CFAP20DC: variants seen among roughly 807,000 people sequenced by gnomAD.
The protein encoded by CFAP20DC is protein CFAP20DC.
CFAP20DC carries 84 observed loss-of-function variants against 101.7 expected under a neutral mutation model. That is an observed-to-expected ratio of 0.83 (90% CI 0.69 to 0.99). The LOEUF (loss-of-function observed/expected upper bound fraction) is 0.99, where lower values mean the gene tolerates loss of function less well. CFAP20DC is among the 50% of genes least tolerant of loss of function. The pLI, the probability that CFAP20DC is intolerant of heterozygous loss-of-function variation, is 0.00. For missense variants in CFAP20DC, 1,007 were observed against 970.3 expected (o/e 1.04, Z -0.50); for synonymous variants, 359 against 351.2 (o/e 1.02, Z -0.25).
rs559884228 is a variant in CFAP20DC, at chr3:58,789,458, C to G, written c.2237+16937G>C. 7.9e-5 allele frequency among the ~76,000 whole-genome samples: 12 copies of G among 152,148 alleles called. No homozygotes were observed. The South Asian group carries it at 1.2e-3, about 16-fold the overall frequency. ...TTATTTATGTACTGATTTCCATTTT[C>G]TTTTCAAAGTTTGGTTATACCTTTC... On this transcript the variant is annotated intron_variant, in intron 15 of 16. Transcript: ENST00000482387.
At chr3:58,833,883 G>C (rs1242862567) in intron 13 of CFAP20DC, among the ~76,000 whole-genome samples, 2 of 152,164 alleles carry the variant, frequency 1.3e-5, no homozygotes, top group Non-Finnish European at 2.9e-5. Context: ...TCAGCCTAAA[G>C]AGTAATGAAG....
chr3:58,762,201 C>T (rs1426262347), intron 15 of CFAP20DC, among the ~76,000 whole-genome samples: 3 of 151,966 alleles, frequency 2.0e-5, no homozygotes, highest in Non-Finnish European at 4.4e-5. Context: ...TAAGGACTTG[C>T]TTTATGAATC....
intron 3 of CFAP20DC, among the ~76,000 whole-genome samples, chr3:58,718,292 A>G (rs2067424084): frequency 6.6e-6 from 1 of 152,226 alleles, no homozygotes; most frequent in African/African-American, 2.4e-5. Flanking sequence ...TTTCAGTTTA[A>G]GTATCCAGTT....
intron 16 of CFAP20DC, among the ~76,000 whole-genome samples, chr3:58,753,480 G>C (rs762890995): frequency 2.0e-4 from 30 of 152,144 alleles, no homozygotes; most frequent in Non-Finnish European, 3.1e-4. Flanking sequence ...TGGTAGTGCT[G>C]AAATTCAGAT....
At chr3:58,838,960 G>C (rs2076920901) in intron 13 of CFAP20DC, among the ~76,000 whole-genome samples, 1 of 152,200 alleles carries the variant, frequency 6.6e-6, no homozygotes, top group African/African-American at 2.4e-5. Flanking sequence ...ATAAATGGTA[G>C]TTTAAGATAT....
intron 15 of CFAP20DC, among the ~76,000 whole-genome samples, chr3:58,773,034 A>G (rs1268190612): frequency 6.6e-6 from 1 of 151,316 alleles, no homozygotes; most frequent in Non-Finnish European, 1.5e-5. Flanking sequence ...TTTTTCTTAA[A>G]GCAGTTTCTC....
chr3:58,967,979 G>T (rs2091691330), intron 4 of CFAP20DC, among the ~76,000 whole-genome samples: 1 of 152,134 alleles, frequency 6.6e-6, no homozygotes, highest in African/African-American at 2.4e-5. Flanking sequence ...TTCTGTTCCT[G>T]TGATAGTCTG....
intron 15 of CFAP20DC, among the ~76,000 whole-genome samples, chr3:58,758,779 C>T (rs145140548): frequency 0.055 from 8,371 of 152,010 alleles, 510 homozygotes; most frequent in East Asian, 0.35. Flanking sequence ...TGAGGGAGAA[C>T]ATGCGGTGTT....
intron 5 of CFAP20DC, among the ~76,000 whole-genome samples, chr3:58,918,841 T>C (rs753406872): frequency 3.3e-5 from 5 of 152,220 alleles, no homozygotes; most frequent in African/African-American, 1.2e-4. Flanking sequence ...AAAATGGTGA[T>C]AATAATGTAC....
intron 15 of CFAP20DC, among the ~76,000 whole-genome samples, chr3:58,757,147 C>A (rs562195356): frequency 5.9e-5 from 9 of 152,046 alleles, no homozygotes; most frequent in Non-Finnish European, 1.0e-4. Context: ...AAATTCTCTT[C>A]ACAAGGGTTG....
chr3:58,995,623 T>C (rs538412885), intron 4 of CFAP20DC, among the ~76,000 whole-genome samples: 1 of 152,250 alleles, frequency 6.6e-6, no homozygotes, highest in Admixed American at 6.5e-5. Context: ...ATTTTGGGTG[T>C]ATCTGTGAAG....
intron 4 of CFAP20DC, among the ~76,000 whole-genome samples, chr3:58,996,624 G>A (rs950997844): frequency 6.6e-6 from 1 of 152,202 alleles, no homozygotes; most frequent in Non-Finnish European, 1.5e-5. Flanking sequence ...AACAAAAAGT[G>A]TGCTATGTGA....
At chr3:58,936,950 T>A (rs2087749694) in intron 5 of CFAP20DC, among the ~76,000 whole-genome samples, 2 of 131,434 alleles carry the variant, frequency 1.5e-5, no homozygotes, top group Non-Finnish European at 3.4e-5. Context: ...AAAAATAAAT[T>A]TAAGCCAAAA....
At chr3:58,931,769 T>C (rs796313804) in intron 5 of CFAP20DC, among the ~76,000 whole-genome samples, 1 of 152,080 alleles carries the variant, frequency 6.6e-6, no homozygotes, top group Non-Finnish European at 1.5e-5. Flanking sequence ...CAAAAACCCA[T>C]CTGTACATCA....
In CFAP20DC at chr3:58,732,396, T is replaced by C. The variant is rs1006033122; in HGVS notation, c.198-14768A>G. Among the ~76,000 whole-genome samples the C allele has an allele frequency of 2.0e-5, 3 of 152,326 alleles. No individual in the cohort carries two copies. The highest frequency in any genetic ancestry group is 7.2e-5 in the African/African-American group (3 of 41,582). On this transcript the variant is annotated intron_variant, in intron 3 of 3. Transcript: ENST00000486145. The surrounding 1 kb of genome is among the most constrained non-coding windows in gnomAD (Gnocchi z 5.4). Reference sequence around the variant, plus strand: ...ATGATAAAGTTGTAGATATTGTTTATAGAATGTGATCAGGTGGCAGAGTGA... The same window carrying C: ...ATGATAAAGTTGTAGATATTGTTTACAGAATGTGATCAGGTGGCAGAGTGA...
At chr3:58,978,891 T>C (rs887885664) in intron 4 of CFAP20DC, among the ~76,000 whole-genome samples, 1 of 152,098 alleles carries the variant, frequency 6.6e-6, no homozygotes, top group African/African-American at 2.4e-5. Context: ...TTCATCAATT[T>C]CTGCCTTTTC....
At chr3:58,811,430 A>T (rs2074622447) in intron 14 of CFAP20DC, among the ~76,000 whole-genome samples, 1 of 152,092 alleles carries the variant, frequency 6.6e-6, no homozygotes, top group Non-Finnish European at 1.5e-5. Context: ...TCTTTGACAA[A>T]CCTGAGAAAA....
At chr3:58,888,485 G>A (rs914656616) in intron 6 of CFAP20DC, among the ~76,000 whole-genome samples, 1 of 152,076 alleles carries the variant, frequency 6.6e-6, no homozygotes, top group Admixed American at 6.5e-5. Context: ...GTGCCAAGGT[G>A]GCTCGCTGCA....
intron 4 of CFAP20DC, among the ~76,000 whole-genome samples, chr3:58,981,195 T>G (rs1002119962): frequency 1.4e-4 from 22 of 151,980 alleles, no homozygotes; most frequent in Admixed American, 6.6e-5. Context: ...CACTGCTCAA[T>G]GAAATAAAAA....
Sources: gnomAD v4.1 joint callset for allele counts (sites outside exome capture counted in the v4.1 genomes callset) on GRCh38, gnomAD v4.1.1 for gene constraint, Gnocchi (gnomAD v3.1) non-coding constraint, MANE v1.5 for transcripts, NCBI Gene and HGNC (gene_info 2026-07-23, HGNC 2026-07-21) for gene names.